The following SMIM36 variants were observed in gnomAD, a reference collection of about 807,000 sequenced individuals.
SMIM36 encodes the protein small integral membrane protein 36.
intron 1 of SMIM36, among the ~76,000 whole-genome samples, chr17:55,488,832 G>A (rs1909652417): frequency 6.6e-6 from 1 of 152,062 alleles, no homozygotes; most frequent in Non-Finnish European, 1.5e-5. Context: ...ATATATATCT[G>A]ATCAAACGGC....
At chr17:55,531,593 GT>G in the SMIM36 span, among the ~76,000 whole-genome samples, 1 of 152,188 alleles carries the variant, frequency 6.6e-6, no homozygotes, top group Non-Finnish European at 1.5e-5. Context: ...AGGTGGACAT[GT>G]TTTTATGTAT....
intron 1 of SMIM36, among the ~76,000 whole-genome samples, chr17:55,496,769 C>T (rs1036865296): frequency 5.9e-5 from 9 of 152,152 alleles, no homozygotes; most frequent in Non-Finnish European, 8.8e-5. Context: ...CTTTTCTGCA[C>T]CCACCTTGCT....
intron 4 of SMIM36, among the ~76,000 whole-genome samples, chr17:55,466,001 A>G (rs896567479): frequency 2.0e-5 from 3 of 152,116 alleles, no homozygotes; most frequent in African/African-American, 7.2e-5. Flanking sequence ...CTGGCAGGGC[A>G]TGGTGGCTCA....
At chr17:55,496,922 G>A (rs1909818563) in intron 1 of SMIM36, among the ~76,000 whole-genome samples, 1 of 152,144 alleles carries the variant, frequency 6.6e-6, no homozygotes, top group Non-Finnish European at 1.5e-5. Flanking sequence ...AAACTCCCTT[G>A]TTTCTAAAAT....
chr17:55,477,024 C>T (rs112964865), intron 3 of SMIM36: 1 of 152,070 alleles, frequency 6.6e-6, no homozygotes, highest in African/African-American at 2.4e-5. Flanking sequence ...CAACAAAGTA[C>T]CAAAAAATGG....
At chr17:55,455,482 G>A (rs954473189) in intron 4 of SMIM36, among the ~76,000 whole-genome samples, 2 of 151,392 alleles carry the variant, frequency 1.3e-5, no homozygotes. Flanking sequence ...TTCCGTAATC[G>A]CTTAAAATCT....
At chr17:55,451,922 C>A (rs531035178) in intron 4 of SMIM36, among the ~76,000 whole-genome samples, 1 of 151,896 alleles carries the variant, frequency 6.6e-6, no homozygotes, top group Admixed American at 6.6e-5. Context: ...CATAGTGAGA[C>A]CTTGTCGCCA....
chr17:55,463,542 C>T (rs1462098998), intron 4 of SMIM36, among the ~76,000 whole-genome samples: 1 of 152,096 alleles, frequency 6.6e-6, no homozygotes, highest in Non-Finnish European at 1.5e-5. Flanking sequence ...AAGAGCGAGA[C>T]CCTGTTTCTA....
intron 1 of SMIM36, among the ~76,000 whole-genome samples, chr17:55,488,461 A>G (rs1909645408): frequency 6.6e-6 from 1 of 152,226 alleles, no homozygotes; most frequent in South Asian, 2.1e-4. Context: ...AATACTGTGC[A>G]TGCAATTTTA....
rs891967908 is a variant in SMIM36 at position 55,497,426 on chromosome 17, G to A, written c.*174+13453C>T. ...ATTACAGGCAAGCGCCACCACGCCC[G>A]GCTAATTATTTGTATTTTTAGTAGA... is the stretch of plus-strand genomic sequence containing the variant. On this transcript the variant is annotated intron_variant, in intron 1 of 4. Coordinates refer to ENST00000636752, the Ensembl canonical transcript of SMIM36. Among the ~76,000 whole-genome samples the A allele has an allele frequency of 3.9e-5, 6 of 151,962 alleles. No individual in the cohort carries two copies. In the East Asian group the frequency reaches 9.6e-4, roughly 24 times the overall value.
At chr17:55,468,681 C>A (rs763710858) in intron 3 of SMIM36, among the ~76,000 whole-genome samples, 10 of 152,304 alleles carry the variant, frequency 6.6e-5, no homozygotes, top group Admixed American at 1.3e-4. Flanking sequence ...CCCCCTTCTC[C>A]GTGTCTCTAC....
rs922284651 is a variant in SMIM36, at chr17:55,508,651, G to A, written c.*174+2228C>T. Reference sequence around the variant, plus strand: ...AAAAGTGAAGATGGTGGCTGAGCGCGGTGGCTCACGCCTGTAAACCCAGCA... The same window carrying A: ...AAAAGTGAAGATGGTGGCTGAGCGCAGTGGCTCACGCCTGTAAACCCAGCA... On this transcript the variant is annotated intron_variant, in intron 1 of 4. Transcript: ENST00000636752. Among the ~76,000 whole-genome samples the A allele has an allele frequency of 3.3e-5, 5 of 151,580 alleles. No individual in the cohort carries two copies. The East Asian group carries it at 7.8e-4, about 24-fold the overall frequency.
intron 1 of SMIM36, among the ~76,000 whole-genome samples, chr17:55,494,681 A>G (rs1324313153): frequency 6.6e-6 from 1 of 152,016 alleles, no homozygotes; most frequent in African/African-American, 2.4e-5. Flanking sequence ...ATTTTGTTTG[A>G]ACACACACAC....
the SMIM36 span, among the ~76,000 whole-genome samples, chr17:55,531,812 A>G: frequency 6.6e-6 from 1 of 152,376 alleles, no homozygotes; most frequent in Admixed American, 6.5e-5. Flanking sequence ...TGAGGAGGAC[A>G]CAATAGTACG....
chr17:55,457,035 T>A (rs1909037072), intron 4 of SMIM36, among the ~76,000 whole-genome samples: 1 of 152,222 alleles, frequency 6.6e-6, no homozygotes, highest in Admixed American at 6.5e-5. Flanking sequence ...TATAATGTAA[T>A]GTTTTTCCTC....
intron 1 of SMIM36, among the ~76,000 whole-genome samples, chr17:55,481,570 T>C (rs958346193): frequency 5.3e-4 from 80 of 152,306 alleles, no homozygotes; most frequent in African/African-American, 1.8e-3. Flanking sequence ...AGTTCTGTAT[T>C]TTATGTTTAG....
chr17:55,456,911 C>T (rs1241503472), intron 4 of SMIM36, among the ~76,000 whole-genome samples: 1 of 152,172 alleles, frequency 6.6e-6, no homozygotes, highest in African/African-American at 2.4e-5. Flanking sequence ...TCAAAATAGG[C>T]CATGCCCTTT....
the SMIM36 span, among the ~76,000 whole-genome samples, chr17:55,522,480 T>C: frequency 6.6e-6 from 1 of 152,150 alleles, no homozygotes; most frequent in Non-Finnish European, 1.5e-5. Context: ...AGAAGGTGAA[T>C]GGGGAACAAA....
intron 4 of SMIM36, among the ~76,000 whole-genome samples, chr17:55,466,277 CA>C (rs796506078): frequency 0.11 from 5,014 of 46,800 alleles, 43 homozygotes; most frequent in East Asian, 0.18. Flanking sequence ...GACTCCGTCT[CA>C]AAAAAAAAAA....
Sources: allele counts gnomAD v4.1 joint callset (sites outside exome capture counted in the v4.1 genomes callset), GRCh38; gene constraint gnomAD v4.1.1; transcripts MANE v1.5; gene names NCBI Gene and HGNC (gene_info 2026-07-23, HGNC 2026-07-21).